Variants in INF2 observed in about 807,000 individuals in gnomAD.
INF2 encodes the protein inverted formin-2.
INF2 carries 43 observed loss-of-function variants against 123.5 expected under a neutral mutation model. That is an observed-to-expected ratio of 0.35 (90% CI 0.27 to 0.45). INF2 has a LOEUF of 0.45. INF2 is among the 20% of genes least tolerant of loss of function. INF2 has a pLI of 1.00. For synonymous variants in INF2, 851 were observed against 745.0 expected (o/e 1.14, Z -2.32); for missense variants, 1,453 against 1,682.7 (o/e 0.86, Z 2.39).
rs755068749 is a variant in INF2, at chr14:104,712,955, T to C, written c.2738T>C (p.Met913Thr). ...QLSLEDTFST[M>T]KAFRDLFLRA... The stretch of plus-strand genomic sequence containing the variant: ...TCCCTGGAGGACACGTTCAGCACCA[T>C]GAAGGCTTTCCGGGACCTTTTCCTC... The change falls in exon 18 of 23, where the codon ATG becomes ACG. Residue 913 changes from methionine (M) to threonine (T), a missense_variant. Met to Thr is a moderately conservative substitution (Grantham distance 81). Around this residue, in one of 8 missense-constraint regions of INF2, gnomAD observed 212 missense variants for 266.2 expected, o/e 0.80. Coordinates refer to ENST00000392634, the MANE Select transcript of INF2 (RefSeq NM_022489.4). 1 of 1,612,622 alleles carries C rather than the reference T, an allele frequency of 6.2e-7. No individual in the cohort carries two copies. The highest frequency in any genetic ancestry group is 8.5e-7 in the Non-Finnish European group (1 of 1,179,792).
Position 104,709,284 on chromosome 14 carries a change from C to T in INF2, c.1953C>T (p.Ser651=). The change falls in exon 11 of 23, where the codon TCC becomes TCT. Residue 651 remains serine (S), a synonymous_variant. Coordinates refer to ENST00000392634, the MANE Select transcript of INF2 (RefSeq NM_022489.4). ...LNIFLKQFKC[S]NEEVAAMIRA... is the part of the protein sequence containing the mutation. ...CCCGGTCCTCTCCCTGCTCCAGCTC[C>T]AACGAGGAGGTCGCTGCTATGATCC... 6.2e-7 allele frequency: 1 copy of T among 1,612,402 alleles called. No homozygotes were observed. The highest frequency in any genetic ancestry group is 8.5e-7 in the Non-Finnish European group (1 of 1,179,508).
At position 104,706,147 on chromosome 14, in the gene INF2, CAGG is replaced by C; in HGVS notation, c.818_820del (p.Glu273del). ...TGGCGGGGTCGACATGAGCAGCCAC[CAGG>C]AGGTCTTTGCCTCCCTGTTCCACAA... is the stretch of plus-strand genomic sequence containing the variant. On this transcript the variant is annotated inframe_deletion, in exon 6 of 23. Coordinates refer to ENST00000392634, the MANE Select transcript of INF2 (RefSeq NM_022489.4). The C allele has an allele frequency of 6.3e-7, 1 of 1,599,712 alleles. No individual in the cohort carries two copies. Among genetic ancestry groups the C allele is most frequent in the Non-Finnish European group, 8.5e-7 (1 of 1,173,792 alleles).
intron 4 of INF2, 32 bp downstream of exon 4, chr14:104,703,486 C>T (rs575620975): frequency 6.2e-7 from 1 of 1,606,852 alleles, no homozygotes; most frequent in South Asian, 1.1e-5. Context: ...CATGCCCGCT[C>T]CTGCCCGCCT....
At position 104,712,960 on chromosome 14, in the gene INF2, G is replaced by T. The variant is rs753145511; in HGVS notation, c.2743G>T (p.Ala915Ser). ...SLEDTFSTMKAFRDLFLRALK... is the reference protein window; with the variant it reads ...SLEDTFSTMKSFRDLFLRALK... Reference sequence around the variant, plus strand: ...GGAGGACACGTTCAGCACCATGAAGGCTTTCCGGGACCTTTTCCTCCGCGC... The same window carrying T: ...GGAGGACACGTTCAGCACCATGAAGTCTTTCCGGGACCTTTTCCTCCGCGC... The change falls in exon 18 of 23, where the codon GCT becomes TCT. Residue 915 changes from alanine (A) to serine (S), a missense_variant. By Grantham distance (99) the Ala-to-Ser change is moderately conservative. Transcript: ENST00000392634. 2.5e-6 allele frequency: 4 copies of T among 1,612,522 alleles called. No homozygotes were observed. In the Admixed American group the frequency reaches 6.7e-5, roughly 27 times the overall value.
intron 22 of INF2, among the ~76,000 whole-genome samples, chr14:104,717,305 G>A (rs1227059108): frequency 1.7e-4 from 10 of 60,522 alleles, no homozygotes; most frequent in Non-Finnish European, 2.4e-4. Flanking sequence ...TCCCCCCCCC[G>A]GGCAGGGCGC....
At position 104,699,519 on chromosome 14, in the gene INF2, G is replaced by A. The variant is rs971295034; in HGVS notation, c.-9-1838G>A. ...GCTCAGCGGTCAGCAGCGATGAGAAGCCAGGGGAGCGTGAGGAGCAGCCCA... is the reference window on the plus strand; with the variant it reads ...GCTCAGCGGTCAGCAGCGATGAGAAACCAGGGGAGCGTGAGGAGCAGCCCA... On this transcript the variant is annotated intron_variant, in intron 1 of 22. Coordinates refer to ENST00000392634, the MANE Select transcript of INF2 (RefSeq NM_022489.4). The surrounding 1 kb of genome is among the most constrained non-coding windows in gnomAD (Gnocchi z 4.7). 1.0e-6 allele frequency: 1 copy of A among 985,202 alleles called. No individual in the cohort carries two copies. The highest frequency in any genetic ancestry group is 1.7e-5 in the African/African-American group (1 of 57,212). The allele number at this position is 985,202 out of a possible 1,614,324, so 61.0% of individuals were successfully genotyped here. A position where few individuals can be genotyped will look rare whatever the true frequency, so the allele number is the denominator to read the frequency against.
At chr14:104,689,131 G>A (rs1193123877), upstream of INF2, 1 of 881,540 alleles carries the variant, frequency 1.1e-6, no homozygotes, top group Non-Finnish European at 1.4e-6. Flanking sequence ...TGGTTGATGG[G>A]TAGGCTCTCT....
At chr14:104,711,475 T>G (rs1367906005) in intron 15 of INF2, among the ~76,000 whole-genome samples, 154 bp from the exon 16 acceptor site, 1 of 152,128 alleles carries the variant, frequency 6.6e-6, no homozygotes, top group Admixed American at 6.5e-5. Flanking sequence ...CACAAAGTCA[T>G]AGCCAGGCCC....
upstream of INF2, among the ~76,000 whole-genome samples, chr14:104,687,068 CGGCACTT>C (rs1281258061): frequency 6.6e-6 from 1 of 152,162 alleles, no homozygotes; most frequent in African/African-American, 2.4e-5. This position sits in a 1 kb window ranked among gnomAD's most constrained non-coding sequence, Gnocchi z 5.6. Context: ...AGCTGGGGGC[CGGCACTT>C]GTGTACCCGG....
exon 1 of INF2, chr14:104,681,552 A>G: frequency 7.8e-7 from 1 of 1,288,882 alleles, no homozygotes; most frequent in Non-Finnish European, 1.0e-6. Flanking sequence ...TTAGCACTGG[A>G]TTTCCACTTC....
chr14:104,714,232 G>A lies in INF2; in HGVS notation c.3070G>A (p.Val1024Met), dbSNP rs761286188. 21 of 1,565,950 alleles carry A rather than the reference G, an allele frequency of 1.3e-5. No homozygotes were observed. Among genetic ancestry groups the A allele is most frequent in the African/African-American group, 2.7e-5 (2 of 73,892 alleles). Reference sequence around the variant, plus strand: ...CACCAGTAACCCTGCAGGAGATCCCGTGGGCAGCACGCGCTGTCCCGCCTC... The same window carrying A: ...CACCAGTAACCCTGCAGGAGATCCCATGGGCAGCACGCGCTGTCCCGCCTC... ...VATSNPAGDP[V>M]GSTRCPASEP... is the part of the protein sequence containing the mutation. The change falls in exon 21 of 23, where the codon GTG becomes ATG. Residue 1024 changes from valine to methionine, a missense_variant. This residue lies in a region of INF2 where 344 missense variants were observed against 333.1 expected (regional missense o/e 1.03). Coordinates refer to ENST00000392634, the MANE Select transcript of INF2 (RefSeq NM_022489.4).
At chr14:104,700,411 T>G (rs1193648014) in intron 1 of INF2, among the ~76,000 whole-genome samples, 1 of 152,104 alleles carries the variant, frequency 6.6e-6, no homozygotes, top group East Asian at 1.9e-4. Context: ...CCCGGCCCCC[T>G]AGCTCCCTCC....
At chr14:104,689,427 C>T (rs918571537), upstream of INF2, among the ~76,000 whole-genome samples, 15 of 152,090 alleles carry the variant, frequency 9.9e-5, no homozygotes, top group Non-Finnish European at 2.1e-4. Context: ...AGGGGGCGGC[C>T]AGGTTATTCA....
At position 104,712,977 on chromosome 14, in the gene INF2, C is replaced by A. The variant is rs745372193; in HGVS notation, c.2760C>A (p.Phe920Leu). ...CCATGAAGGCTTTCCGGGACCTTTTCCTCCGCGCCCTGAAGGTGGGGCAGC... is the reference window on the plus strand; with the variant it reads ...CCATGAAGGCTTTCCGGGACCTTTTACTCCGCGCCCTGAAGGTGGGGCAGC... Reference protein sequence around the residue: ...FSTMKAFRDLFLRALKENKDR... With the variant: ...FSTMKAFRDLLLRALKENKDR... Residue 920 changes from phenylalanine to leucine, a missense_variant, in exon 18 of 23, where the codon TTC becomes TTA. Phe to Leu is a conservative substitution (Grantham distance 22). Transcript: ENST00000392634. The A allele has an allele frequency of 2.5e-6, 4 of 1,612,430 alleles. No homozygotes were observed. Among genetic ancestry groups the A allele is most frequent in the Admixed American group, 3.3e-5 (2 of 60,008 alleles).
At chr14:104,700,485 G>C (rs1415448493) in intron 1 of INF2, among the ~76,000 whole-genome samples, 2 of 152,158 alleles carry the variant, frequency 1.3e-5, no homozygotes, top group Non-Finnish European at 2.9e-5. Flanking sequence ...ATGGTTGCAG[G>C]AGGGCCTGGG....
Position 104,684,336 on chromosome 14 carries a change from C to A in INF2, c.-104+2754C>A. ...TGCTCAGTGAGGTGCCCGAAGGAGG[C>A]CCACCAGCTCTGCCAGCACCCGGCC... On this transcript the variant is annotated intron_variant, in intron 1 of 2. Coordinates refer to the INF2 transcript ENST00000674723. The surrounding 1 kb of genome is among the most constrained non-coding windows in gnomAD (Gnocchi z 5.0). 3.1e-6 allele frequency: 1 copy of A among 321,118 alleles called. No individual in the cohort carries two copies. Among genetic ancestry groups the A allele is most frequent in the Non-Finnish European group, 6.2e-6 (1 of 161,868 alleles). The allele number at this position is 321,118 out of a possible 1,614,324, so 19.9% of individuals were successfully genotyped here.
chr14:104,714,972 TG>T, intron 21 of INF2, 116 bp downstream of exon 21: 1 of 1,163,936 alleles, frequency 8.6e-7, no homozygotes, highest in East Asian at 2.6e-5. Flanking sequence ...AGAGGTGACT[TG>T]GGTGCGGCAC....
intron 1 of INF2, among the ~76,000 whole-genome samples, chr14:104,693,952 C>T (rs1889070416): frequency 6.6e-6 from 1 of 152,240 alleles, no homozygotes; most frequent in African/African-American, 2.4e-5. Flanking sequence ...GGAGTAGCCA[C>T]CTGTCCCCAC....
At chr14:104,714,986 G>C in intron 21 of INF2, 130 bp downstream of exon 21, 1 of 1,016,108 alleles carries the variant, frequency 9.8e-7, no homozygotes, top group Non-Finnish European at 1.4e-6. Context: ...TGCGGCACGG[G>C]AGAGGAGGCG....
Sources: allele counts gnomAD v4.1 joint callset (sites outside exome capture counted in the v4.1 genomes callset), GRCh38; gene constraint gnomAD v4.1.1; regional missense constraint gnomAD v4.1.1; non-coding constraint Gnocchi (gnomAD v3.1); transcripts MANE v1.5; gene names NCBI Gene and HGNC (gene_info 2026-07-23, HGNC 2026-07-21).